The following CEP164 variants were observed in gnomAD, a reference collection of about 807,000 sequenced individuals.
CEP164 encodes the protein centrosomal protein 164.
CEP164 carries 162 observed loss-of-function variants against 182.7 expected under a neutral mutation model. That is an observed-to-expected ratio of 0.89 (90% CI 0.78 to 1.01). The LOEUF is 1.01. Among genes scored for constraint, CEP164 ranks in the 50% least tolerant of loss-of-function variants. CEP164 has a pLI of 0.00. For synonymous variants in CEP164, 661 were observed against 690.0 expected (o/e 0.96, Z 0.66); for missense variants, 1,735 against 1,790.4 (o/e 0.97, Z 0.56).
rs1197017448 is a variant in CEP164 at position 117,412,868 on chromosome 11, C to T, written c.*700C>T. On this transcript the variant is annotated 3_prime_UTR_variant, in exon 33 of 33. Transcript: ENST00000278935. ...ACACCCCTCCTGCTCCCTGGGGCTC[C>T]TCAGGGAGCCATTTCAGCTGGAGTC... is the stretch of plus-strand genomic sequence containing the variant. 3 of 152,564 alleles carry T rather than the reference C, an allele frequency of 2.0e-5. No individual in the cohort carries two copies. Among genetic ancestry groups the T allele is most frequent in the East Asian group, 3.9e-4 (2 of 5,166 alleles). 9.5% of individuals were successfully genotyped at this position (152,564 alleles called of 1,614,324 possible).
chr11:117,408,141 C>A, intron 28 of CEP164, 109 bp downstream of exon 28: 3 of 740,046 alleles, frequency 4.1e-6, no homozygotes, highest in South Asian at 1.7e-5. Flanking sequence ...GCCTCTAGGG[C>A]CCAGGATTGG....
intron 27 of CEP164, 39 bp downstream of exon 27, chr11:117,397,352 G>GT: frequency 6.4e-7 from 1 of 1,568,220 alleles, no homozygotes; most frequent in Non-Finnish European, 8.7e-7. Context: ...CCCTGTGTGG[G>GT]GGAGGCGGGG....
chr11:117,324,308 G>T (rs979437865), upstream of CEP164, among the ~76,000 whole-genome samples: 2 of 151,986 alleles, frequency 1.3e-5, no homozygotes, highest in Non-Finnish European at 2.9e-5. Context: ...ATAGCCCGGT[G>T]TGGTGGCACA....
At position 117,409,666 on chromosome 11, in the gene CEP164, A is replaced by C. The variant is rs1228978040; in HGVS notation, c.3797A>C (p.His1266Pro). 6.2e-7 allele frequency: 1 copy of C among 1,613,320 alleles called. No homozygotes were observed. The highest frequency in any genetic ancestry group is 1.3e-5 in the African/African-American group (1 of 74,854). Reference sequence around the variant, plus strand: ...TCCCGCAAGATCCACGGGCTTAGCCACTCCCTCCGGCAGATCAGCAGCCAG... The same window carrying C: ...TCCCGCAAGATCCACGGGCTTAGCCCCTCCCTCCGGCAGATCAGCAGCCAG... ...LTSRKIHGLS[H>P]SLRQISSQLS... Residue 1266 changes from histidine to proline, a missense_variant, in exon 30 of 33, where the codon CAC becomes CCC. Physicochemically the swap from His to Pro is moderately conservative, Grantham distance 77. Coordinates refer to ENST00000278935, the MANE Select transcript of CEP164 (RefSeq NM_014956.5). This position sits in a 1 kb window ranked among gnomAD's most constrained non-coding sequence, Gnocchi z 4.4.
intron 1 of CEP164, 25 bp from the exon 2 acceptor site, chr11:117,335,580 T>TTTTTG (rs1491279475): frequency 7.7e-6 from 1 of 130,060 alleles, no homozygotes; most frequent in Admixed American, 7.7e-5. Context: ...AGATCTTGAC[T>TTTTTG]TTTTTTTTTT....
chr11:117,390,467 G>A (rs1159006943), intron 15 of CEP164, among the ~76,000 whole-genome samples: 1 of 151,830 alleles, frequency 6.6e-6, no homozygotes, highest in African/African-American at 2.4e-5. Flanking sequence ...GGGCAACATA[G>A]CGAGACTCCA....
chr11:117,405,748 T>C (rs1438430925), intron 27 of CEP164, among the ~76,000 whole-genome samples: 2 of 152,238 alleles, frequency 1.3e-5, no homozygotes, highest in East Asian at 3.8e-4. Flanking sequence ...CTTAGAAATT[T>C]CTTCTGCCAG....
intron 30 of CEP164, 52 bp from the exon 31 acceptor site, chr11:117,410,776 G>T (rs1592522658): frequency 6.6e-7 from 1 of 1,511,088 alleles, no homozygotes; most frequent in East Asian, 2.3e-5. Flanking sequence ...GTGCTGGTGG[G>T]CAGGGTGGTG....
intron 14 of CEP164, chr11:117,385,991 C>A (rs1346132998): frequency 6.6e-6 from 1 of 152,236 alleles, no homozygotes; most frequent in Non-Finnish European, 1.5e-5. Context: ...TCCGGTCCTG[C>A]CCGCTGCTTT....
chr11:117,363,483 C>G lies in CEP164; in HGVS notation c.742C>G (p.Leu248Val). Reference protein sequence around the residue: ...LRNLHLDIGALGGDFEYEESL... With the variant: ...LRNLHLDIGAVGGDFEYEESL... ...GAACCTACACCTGGACATTGGGGCA[C>G]TGGGGGGTGACTTTGAGTATGAGGT... The change falls in exon 8 of 33, where the codon CTG (leucine) becomes GTG (valine). Residue 248 changes from leucine to valine, a missense_variant. Transcript: ENST00000278935. 2.5e-6 allele frequency: 4 copies of G among 1,613,926 alleles called. No homozygotes were observed. Among genetic ancestry groups the G allele is most frequent in the Non-Finnish European group, 3.4e-6 (4 of 1,179,816 alleles).
intron 1 of CEP164, among the ~76,000 whole-genome samples, chr11:117,332,138 A>G (rs568324626): frequency 6.6e-6 from 1 of 151,898 alleles, no homozygotes; most frequent in African/African-American, 2.4e-5. Context: ...CCTTGGTTTT[A>G]TATTAGCAGT....
At chr11:117,327,699 C>T (rs2035543903), upstream of CEP164, 1 of 152,238 alleles carries the variant, frequency 6.6e-6, no homozygotes, top group Admixed American at 6.5e-5. Context: ...TCTTAAACTA[C>T]ACTCCCATCG....
At chr11:117,339,695 A>G (rs2037809005) in intron 3 of CEP164, among the ~76,000 whole-genome samples, 1 of 151,558 alleles carries the variant, frequency 6.6e-6, no homozygotes, top group South Asian at 2.1e-4. Context: ...CACCTGGGGA[A>G]CTAATTTTTG....
chr11:117,390,789 G>A lies in CEP164; in HGVS notation c.1947G>A (p.Glu649=), dbSNP rs1317626688. Residue 649 remains glutamate, a synonymous_variant, in exon 16 of 33, where the codon GAG becomes GAA. Transcript: ENST00000278935. ...CTTTCCATCTCAGTTCCTTGAGGGA[G>A]CGGCTGCAGAAAGCCATTGAGGAGG... is the stretch of plus-strand genomic sequence containing the variant. ...QKEQSLSSLR[E]RLQKAIEEEE... is the part of the protein sequence containing the mutation. 6.8e-6 allele frequency: 11 copies of A among 1,614,016 alleles called. No homozygotes were observed. Among genetic ancestry groups the A allele is most frequent in the East Asian group, 2.2e-5 (1 of 44,844 alleles).
chr11:117,354,958 G>A, intron 5 of CEP164: 1 of 1,287,386 alleles, frequency 7.8e-7, no homozygotes, highest in Non-Finnish European at 1.0e-6. Context: ...AGGGACTTCT[G>A]CCTCCTTCAT....
At chr11:117,398,534 C>T (rs926236777) in intron 27 of CEP164, among the ~76,000 whole-genome samples, 1 of 152,198 alleles carries the variant, frequency 6.6e-6, no homozygotes, top group Non-Finnish European at 1.5e-5. Context: ...TCCATGAGGG[C>T]CCCACCCCTG....
chr11:117,351,193 G>T (rs1195827567), intron 4 of CEP164, among the ~76,000 whole-genome samples: 1 of 151,904 alleles, frequency 6.6e-6, no homozygotes, highest in Non-Finnish European at 1.5e-5. Flanking sequence ...CCACCACCCC[G>T]GCTAATTTTG....
intron 6 of CEP164, among the ~76,000 whole-genome samples, 193 bp downstream of exon 6, chr11:117,362,186 G>A (rs1331608825): frequency 1.3e-5 from 2 of 152,190 alleles, no homozygotes; most frequent in African/African-American, 4.8e-5. Context: ...GACCCATGCT[G>A]TAGGGACATC....
At chr11:117,334,853 G>C (rs750392770) in intron 1 of CEP164, among the ~76,000 whole-genome samples, 8 of 151,820 alleles carry the variant, frequency 5.3e-5, no homozygotes, top group Non-Finnish European at 8.8e-5. Context: ...GTTGCCATGT[G>C]GACAGAGACT....
Sources: allele counts gnomAD v4.1 joint callset (sites outside exome capture counted in the v4.1 genomes callset), GRCh38; gene constraint gnomAD v4.1.1; non-coding constraint Gnocchi (gnomAD v3.1); transcripts MANE v1.5; gene names NCBI Gene and HGNC (gene_info 2026-07-23, HGNC 2026-07-21).